Variants in ZNF37A observed in about 807,000 individuals in gnomAD.
The protein encoded by ZNF37A is zinc finger protein 37a (KOX 21).
Under a neutral mutation model 12.3 loss-of-function variants are expected in ZNF37A, and 10 were observed. The observed-to-expected ratio is 0.82, with a 90% CI of 0.50 to 1.38. The LOEUF (loss-of-function observed/expected upper bound fraction) is 1.38. Ranked by LOEUF, ZNF37A falls within the 40% of genes most tolerant of loss-of-function variation. The probability of loss-of-function intolerance (pLI) is 0.00; values close to 1 mark genes in which losing one functional copy is unlikely to be tolerated. For missense variants in ZNF37A, 580 were observed against 651.2 expected (o/e 0.89, Z 1.19); for synonymous variants, 207 against 223.0 (o/e 0.93, Z 0.64).
At chr10:38,145,154 T>C (rs1390764519) in intron 7 of ZNF37A, among the ~76,000 whole-genome samples, 3 of 152,122 alleles carry the variant, frequency 2.0e-5, no homozygotes, top group Non-Finnish European at 4.4e-5. Context: ...AACAGCCTTA[T>C]TGATTTTCAC....
intron 7 of ZNF37A, chr10:38,138,702 A>C (rs1262579328): frequency 1.3e-5 from 2 of 152,198 alleles, no homozygotes; most frequent in Admixed American, 1.3e-4. Flanking sequence ...TCTTAAAGCC[A>C]ATCCCCTGAG....
exon 8 of ZNF37A, chr10:38,148,170 A>G (rs1468072181): frequency 6.6e-6 from 1 of 152,216 alleles, no homozygotes; most frequent in Non-Finnish European, 1.5e-5. Context: ...AGACAGGCAT[A>G]TTGGCATCCT....
chr10:38,110,794 G>T (rs1336816154), intron 5 of ZNF37A, among the ~76,000 whole-genome samples: 1 of 152,118 alleles, frequency 6.6e-6, no homozygotes, highest in Admixed American at 6.6e-5. Flanking sequence ...ACTATCTCAT[G>T]CCAGTTAGAA....
At chr10:38,146,916 C>T in exon 8 of ZNF37A, 1 of 394,296 alleles carries the variant, frequency 2.5e-6, no homozygotes, top group Non-Finnish European at 4.5e-6. Flanking sequence ...CAGAGTTTGA[C>T]CCACATGTTT....
chr10:38,118,128 C>T lies in ZNF37A; in HGVS notation c.977C>T (p.Pro326Leu). 1.2e-6 allele frequency: 2 copies of T among 1,613,932 alleles called. No homozygotes were observed. The highest frequency in any genetic ancestry group is 1.1e-5 in the South Asian group (1 of 91,078). Reference sequence around the variant, plus strand: ...CAAAGAATTCATACAGGGGAGAGACCTTATGGATGTCATGAATGTGGGAAA... The same window carrying T: ...CAAAGAATTCATACAGGGGAGAGACTTTATGGATGTCATGAATGTGGGAAA... Reference protein sequence around the residue: ...KHQRIHTGERPYGCHECGKSF... With the variant: ...KHQRIHTGERLYGCHECGKSF... Residue 326 changes from proline to leucine, a missense_variant, in exon 8 of 8, where the codon CCT (proline) becomes CTT (leucine). Coordinates refer to ENST00000685332, the MANE Select transcript of ZNF37A (RefSeq NM_001324250.3).
intron 5 of ZNF37A, among the ~76,000 whole-genome samples, chr10:38,098,714 A>T (rs1437836189): frequency 6.6e-6 from 1 of 152,176 alleles, no homozygotes; most frequent in Non-Finnish European, 1.5e-5. Context: ...GTGTCTATAA[A>T]GTTTTATTGA....
At chr10:38,117,316 T>G (rs1283509097) in intron 7 of ZNF37A, 74 bp from the exon 8 acceptor site, 2 of 1,519,086 alleles carry the variant, frequency 1.3e-6, no homozygotes, top group East Asian at 2.3e-5. Context: ...GAGCCATGCC[T>G]TCAAATATAA....
At chr10:38,106,874 G>GTT (rs1440653267) in intron 5 of ZNF37A, among the ~76,000 whole-genome samples, 1 of 152,156 alleles carries the variant, frequency 6.6e-6, no homozygotes, top group East Asian at 1.9e-4. Flanking sequence ...CCAAATCTGT[G>GTT]TTTGATTGGT....
intron 7 of ZNF37A, chr10:38,138,253 A>G (rs933549879): frequency 2.6e-5 from 4 of 152,228 alleles, no homozygotes; most frequent in Non-Finnish European, 5.9e-5. Context: ...GGCATTCACT[A>G]TTAAAGCAAT....
At chr10:38,105,461 A>T (rs2067988066) in intron 5 of ZNF37A, among the ~76,000 whole-genome samples, 1 of 152,212 alleles carries the variant, frequency 6.6e-6, no homozygotes, top group Non-Finnish European at 1.5e-5. Context: ...GGGCCATTTG[A>T]CTAAGTCTTC....
chr10:38,137,650 G>A (rs1367770276), intron 7 of ZNF37A: 1 of 152,166 alleles, frequency 6.6e-6, no homozygotes, highest in Non-Finnish European at 1.5e-5. Context: ...TGTGGGTTAT[G>A]GACCCCAATG....
At chr10:38,107,331 G>T (rs2068194443) in intron 5 of ZNF37A, among the ~76,000 whole-genome samples, 1 of 152,184 alleles carries the variant, frequency 6.6e-6, no homozygotes, top group Non-Finnish European at 1.5e-5. Context: ...CACCAGGCCT[G>T]CCTTACAAGA....
At chr10:38,145,768 A>G (rs745408586) in intron 7 of ZNF37A, among the ~76,000 whole-genome samples, 2 of 152,220 alleles carry the variant, frequency 1.3e-5, no homozygotes, top group African/African-American at 4.8e-5. Context: ...GCTGAGTGAG[A>G]CTATATCTAT....
chr10:38,107,831 AG>A (rs2068259341), intron 5 of ZNF37A, among the ~76,000 whole-genome samples: 2 of 152,240 alleles, frequency 1.3e-5, no homozygotes, highest in Admixed American at 1.3e-4. Context: ...CACCCAATAC[AG>A]GAGCACCCAG....
chr10:38,138,315 G>A (rs746276918), intron 7 of ZNF37A: 11 of 152,178 alleles, frequency 7.2e-5, no homozygotes, highest in Non-Finnish European at 1.3e-4. Flanking sequence ...TTTGCAGAGT[G>A]TCATCACAAA....
At chr10:38,116,303 T>G (rs907332370) in intron 7 of ZNF37A, among the ~76,000 whole-genome samples, 2 of 152,196 alleles carry the variant, frequency 1.3e-5, no homozygotes, top group African/African-American at 4.8e-5. Context: ...ATGAAATATT[T>G]TAAAATTCAG....
chr10:38,096,490 C>T, intron 4 of ZNF37A, 84 bp from the exon 5 acceptor site: 1 of 857,772 alleles, frequency 1.2e-6, no homozygotes, highest in Non-Finnish European at 1.9e-6. Flanking sequence ...GTGTGAGTAT[C>T]TCCCTTTCAG....
At chr10:38,148,002 G>A (rs2070275837) in exon 8 of ZNF37A, 1 of 152,194 alleles carries the variant, frequency 6.6e-6, no homozygotes, top group African/African-American at 2.4e-5. Context: ...TAGATAATCT[G>A]TCATGTCACA....
At chr10:38,109,742 A>G (rs938833314) in intron 5 of ZNF37A, among the ~76,000 whole-genome samples, 2 of 152,192 alleles carry the variant, frequency 1.3e-5, no homozygotes, top group South Asian at 2.1e-4. Flanking sequence ...CCCATTCACA[A>G]TTTCTACAAA....
Sources: gnomAD v4.1 joint callset for allele counts (sites outside exome capture counted in the v4.1 genomes callset) on GRCh38, gnomAD v4.1.1 for gene constraint, MANE v1.5 for transcripts, NCBI Gene and HGNC (gene_info 2026-07-23, HGNC 2026-07-21) for gene names.